Variants in SLC6A13 observed in about 807,000 individuals in gnomAD.
The protein encoded by SLC6A13 is solute carrier family 6 member 13.
Under a neutral mutation model 72.9 loss-of-function variants are expected in SLC6A13, and 69 were observed. That is an observed-to-expected ratio of 0.95 (90% CI 0.78 to 1.16). The LOEUF is 1.16. Among genes scored for constraint, SLC6A13 ranks in the 50% most tolerant of loss-of-function variants. The pLI, the probability that SLC6A13 is intolerant of heterozygous loss-of-function variation, is 0.00. For synonymous variants in SLC6A13, 303 were observed against 303.0 expected, an observed-to-expected ratio of 1.00 and a Z score of 0.00; for missense variants, 735 against 760.5, an observed-to-expected ratio of 0.97 and a Z score of 0.39.
chr12:222,664 G>C, intron 12 of SLC6A13, 32 bp from the exon 13 acceptor site: 1 of 1,448,110 alleles, frequency 6.9e-7, no homozygotes, highest in South Asian at 1.2e-5. Context: ...GGAAGGAGGA[G>C]AAAGTCATTC....
chr12:237,359 A>G, intron 5 of SLC6A13, 69 bp from the exon 6 acceptor site: 1 of 1,560,492 alleles, frequency 6.4e-7, no homozygotes, highest in Non-Finnish European at 8.8e-7. Context: ...CCGTCCTGGG[A>G]CAGTGGAGCT....
chr12:253,170 C>G (rs531528389), intron 2 of SLC6A13, among the ~76,000 whole-genome samples: 4 of 152,212 alleles, frequency 2.6e-5, no homozygotes, highest in Non-Finnish European at 5.9e-5. Context: ...AGACCATATC[C>G]CCGTCCCAGA....
intron 12 of SLC6A13, among the ~76,000 whole-genome samples, 200 bp downstream of exon 12, chr12:222,932 A>C (rs907738531): frequency 1.3e-5 from 2 of 152,078 alleles, no homozygotes; most frequent in South Asian, 4.1e-4. Flanking sequence ...AGGTACAGCT[A>C]TAACCAAGAC....
chr12:226,081 T>C (rs933867959), intron 9 of SLC6A13, among the ~76,000 whole-genome samples: 1 of 152,220 alleles, frequency 6.6e-6, no homozygotes, highest in African/African-American at 2.4e-5. Context: ...TATATGTCTG[T>C]ATATATATTT....
intron 9 of SLC6A13, among the ~76,000 whole-genome samples, chr12:224,957 T>C (rs1292573770): frequency 6.6e-6 from 1 of 152,212 alleles, no homozygotes; most frequent in East Asian, 1.9e-4. Flanking sequence ...TTCCGTTGTA[T>C]TTGTACGGAA....
In SLC6A13 at chr12:226,519, G is replaced by A; in HGVS notation, c.936-5C>T. 6.2e-7 allele frequency: 1 copy of A among 1,613,426 alleles called. No homozygotes were observed. On this transcript the variant is annotated splice_polypyrimidine_tract_variant and splice_region_variant and intron_variant, in intron 8 of 14. Coordinates refer to ENST00000343164, the MANE Select transcript of SLC6A13 (RefSeq NM_016615.5). ...AAGCAGAGGGCGATGCAGTCCCTGT[G>A]GGGCAGGGGTGAGGAGAGGGCGGAA...
At chr12:223,800 G>A (rs1449687617) in intron 11 of SLC6A13, 192 bp downstream of exon 11, 1 of 606,670 alleles carries the variant, frequency 1.6e-6, no homozygotes, top group Non-Finnish European at 2.9e-6. Context: ...GAGGTGGGTG[G>A]TCCATGCCCA....
rs144618852 is a variant in SLC6A13 at position 239,154 on chromosome 12, G to A, written c.479-1144C>T. ...TTCCCTCAGCCACATGCTCTACCAC[G>A]TCCACCCTGTTCCCTGCCCCTTCAG... is the stretch of plus-strand genomic sequence containing the variant. On this transcript the variant is annotated intron_variant, in intron 4 of 14. Coordinates refer to ENST00000343164, the MANE Select transcript of SLC6A13 (RefSeq NM_016615.5). 7.8e-3 allele frequency among the ~76,000 whole-genome samples: 1,162 copies of A among 148,300 alleles called. 24 individuals carry two copies. The highest frequency in any genetic ancestry group is 0.023 in the African/African-American group (883 of 39,140).
intron 2 of SLC6A13, among the ~76,000 whole-genome samples, chr12:246,124 TA>T (rs1404014836): frequency 7.9e-6 from 1 of 126,904 alleles, no homozygotes. Flanking sequence ...TCTCAAAAAA[TA>T]AAAGTAAAAA....
intron 2 of SLC6A13, among the ~76,000 whole-genome samples, chr12:246,844 C>T (rs1201713777): frequency 2.0e-5 from 3 of 151,860 alleles, no homozygotes; most frequent in Non-Finnish European, 4.4e-5. Context: ...CCTGTCTCTA[C>T]TAAAAGTACA....
rs575246646 is a variant in SLC6A13 at position 252,991 on chromosome 12, G to A, written c.202+6860C>T. 6.6e-5 allele frequency among the ~76,000 whole-genome samples: 10 copies of A among 152,352 alleles called. No individual in the cohort carries two copies. In the South Asian group the frequency reaches 2.1e-3, roughly 32 times the overall value. ...AAGGGGGCCAGGTACGGACTGAGGA[G>A]TGCTGAAGGGCATTCTGCCTCTTCC... On this transcript the variant is annotated intron_variant, in intron 2 of 14. Transcript: ENST00000343164.
chr12:224,612 G>T, intron 9 of SLC6A13, 99 bp from the exon 10 acceptor site: 1 of 931,588 alleles, frequency 1.1e-6, no homozygotes, highest in African/African-American at 1.7e-5. Flanking sequence ...AATAACAGGG[G>T]CTAGAGGAAA....
At position 237,202 on chromosome 12, in the gene SLC6A13, T is replaced by C. The variant is rs150359005; in HGVS notation, c.652A>G (p.Ile218Val). ...LALCLLLAWVICYFCIWKGVK... is the reference protein window; with the variant it reads ...LALCLLLAWVVCYFCIWKGVK... ...CCCTTCCAGATGCAGAAGTAGCAGA[T>C]GACCCAGGCCAGCAGGAGGCACAGA... Residue 218 changes from isoleucine (I) to valine (V), a missense_variant, in exon 6 of 15, where the codon ATC (isoleucine) becomes GTC (valine). By Grantham distance (29) the Ile-to-Val change is conservative. Transcript: ENST00000343164. The C allele has an allele frequency of 8.7e-6, 14 of 1,614,062 alleles. No homozygotes were observed. The South Asian group carries it at 1.2e-4, about 14-fold the overall frequency.
At chr12:234,145 C>T (rs368430970) in intron 7 of SLC6A13, among the ~76,000 whole-genome samples, 21 of 152,238 alleles carry the variant, frequency 1.4e-4, no homozygotes, top group South Asian at 2.1e-4. Flanking sequence ...ATGGTCTCTG[C>T]GCCCAGGAGG....
intron 7 of SLC6A13, among the ~76,000 whole-genome samples, chr12:229,105 A>G (rs1371144945): frequency 6.6e-6 from 1 of 152,168 alleles, no homozygotes; most frequent in Non-Finnish European, 1.5e-5. Context: ...AGGTGCCACC[A>G]GGGACAAGGG....
intron 13 of SLC6A13, 30 bp downstream of exon 13, chr12:222,502 C>T: frequency 6.9e-7 from 1 of 1,444,842 alleles, no homozygotes; most frequent in Non-Finnish European, 9.6e-7. Context: ...TCCCTCCCTT[C>T]ATCTGACTTT....
chr12:252,507 G>C (rs1314704471), intron 2 of SLC6A13, among the ~76,000 whole-genome samples: 1 of 152,158 alleles, frequency 6.6e-6, no homozygotes, highest in East Asian at 1.9e-4. Context: ...AGTTAATGAG[G>C]AACCCAGTTC....
chr12:240,250 C>A (rs1323371611), intron 4 of SLC6A13, among the ~76,000 whole-genome samples: 1 of 152,180 alleles, frequency 6.6e-6, no homozygotes, highest in Non-Finnish European at 1.5e-5. Context: ...ATTACCCAGG[C>A]TGGAGTGCAG....
chr12:239,628 G>C, intron 4 of SLC6A13, among the ~76,000 whole-genome samples: 1 of 152,206 alleles, frequency 6.6e-6, no homozygotes. Flanking sequence ...TTATTCACTT[G>C]TTTTGTTTAT....
Sources: allele counts gnomAD v4.1 joint callset (sites outside exome capture counted in the v4.1 genomes callset), GRCh38; gene constraint gnomAD v4.1.1; transcripts MANE v1.5; gene names NCBI Gene and HGNC (gene_info 2026-07-23, HGNC 2026-07-21).